TSHZ1: variants seen among roughly 807,000 people sequenced by gnomAD.
TSHZ1 encodes teashirt zinc finger homeobox 1, also known as teashirt homolog 1.
In TSHZ1, 12 loss-of-function variants were observed where a neutral mutation model predicts 67.1. The ratio of observed to expected loss-of-function variants is 0.18; its 90% CI spans 0.11 to 0.29. TSHZ1 has a LOEUF of 0.29. TSHZ1 is among the 10% of genes least tolerant of loss of function. The pLI is 1.00. For synonymous variants in TSHZ1, 632 were observed against 622.4 expected (o/e 1.02, Z -0.23); for missense variants, 1,305 against 1,413.9 (o/e 0.92, Z 1.23).
rs183075514 is a variant in TSHZ1 at position 75,232,564 on chromosome 18, G to A, written c.40+20648G>A. 2.1e-3 allele frequency among the ~76,000 whole-genome samples: 323 copies of A among 152,246 alleles called. 1 individual carries two copies. The highest frequency in any genetic ancestry group is 4.4e-3 in the Admixed American group (67 of 15,300). On this transcript the variant is annotated intron_variant, in intron 1 of 1. Transcript: ENST00000580243. ...AGGTATTTCTGAGGGTCTGAAACAC[G>A]TCCTTTTGACAGATAGTTCTGCACA...
chr18:75,246,230 T>C (rs1445015402), intron 1 of TSHZ1, among the ~76,000 whole-genome samples: 6 of 152,234 alleles, frequency 3.9e-5, no homozygotes, highest in South Asian at 4.1e-4. Context: ...GCCAGATGCA[T>C]GCACTGTTCA....
chr18:75,263,221 A>G (rs1260307707), intron 1 of TSHZ1, among the ~76,000 whole-genome samples: 2 of 152,178 alleles, frequency 1.3e-5, no homozygotes, highest in Non-Finnish European at 2.9e-5. Flanking sequence ...TAATCTAGCA[A>G]GCTAAGATTA....
chr18:75,240,258 A>T (rs1392675871), intron 1 of TSHZ1, among the ~76,000 whole-genome samples: 1 of 152,148 alleles, frequency 6.6e-6, no homozygotes, highest in East Asian at 1.9e-4. Context: ...TGGTTTTAGG[A>T]TCTCAATTTC....
At chr18:75,215,642 A>G (rs995087979) in intron 1 of TSHZ1, among the ~76,000 whole-genome samples, 1 of 152,248 alleles carries the variant, frequency 6.6e-6, no homozygotes, top group Non-Finnish European at 1.5e-5. Context: ...TCCAACTGCA[A>G]TATCATTGCA....
chr18:75,267,292 T>C (rs982845306), intron 1 of TSHZ1, among the ~76,000 whole-genome samples: 15 of 152,210 alleles, frequency 9.9e-5, no homozygotes, highest in African/African-American at 3.6e-4. Context: ...ATGCTGCATC[T>C]TGGACACATA....
At chr18:75,244,757 G>C (rs1385164533) in intron 1 of TSHZ1, 1 of 152,366 alleles carries the variant, frequency 6.6e-6, no homozygotes, top group Admixed American at 6.5e-5. Flanking sequence ...GTGTTTCCTG[G>C]GGGATGAGGT....
chr18:75,229,491 A>G (rs2022969405), intron 1 of TSHZ1, among the ~76,000 whole-genome samples: 2 of 152,226 alleles, frequency 1.3e-5, no homozygotes, highest in South Asian at 4.1e-4. Context: ...CCTTGTAGGC[A>G]CTCTGCTCCA....
In TSHZ1 at chr18:75,281,016, CGGGCTGGGCACAGA is replaced by C. The variant is rs1415971265; in HGVS notation, c.41-4418_41-4405del. 2.0e-5 allele frequency among the ~76,000 whole-genome samples: 3 copies of C among 152,138 alleles called. No homozygotes were observed. The highest frequency in any genetic ancestry group is 1.3e-4 in the Admixed American group (2 of 15,288). On this transcript the variant is annotated intron_variant, in intron 1 of 1. Coordinates refer to ENST00000580243, the MANE Select transcript of TSHZ1 (RefSeq NM_001308210.2). The surrounding 1 kb of genome is among the most constrained non-coding windows in gnomAD (Gnocchi z 5.3). ...GCTGCCTGGGACCAGATAGATAGAG[CGGGCTGGGCACAGA>C]GGGCTGGGCACAGGCGGGGCAGCGG...
In TSHZ1 at chr18:75,233,351, A is replaced by G. The variant is rs539667454; in HGVS notation, c.40+21435A>G. Reference sequence around the variant, plus strand: ...ATTATGGCACACTTTACTTAGGAAAAACCTGAAAACTTCCCCTAACAACGT... The same window carrying G: ...ATTATGGCACACTTTACTTAGGAAAGACCTGAAAACTTCCCCTAACAACGT... On this transcript the variant is annotated intron_variant, in intron 1 of 1. Transcript: ENST00000580243. Among the ~76,000 whole-genome samples the G allele has an allele frequency of 4.7e-4, 71 of 152,306 alleles. 2 individuals are homozygous for G. In the South Asian group the frequency reaches 0.012, roughly 26 times the overall value.
intron 1 of TSHZ1, among the ~76,000 whole-genome samples, chr18:75,262,376 C>T (rs2023440933): frequency 6.6e-6 from 1 of 152,156 alleles, no homozygotes. Flanking sequence ...ATATGCTTTT[C>T]TATATTTTTT....
At chr18:75,267,644 C>T (rs2122590587) in intron 1 of TSHZ1, among the ~76,000 whole-genome samples, 1 of 152,298 alleles carries the variant, frequency 6.6e-6, no homozygotes, top group South Asian at 2.1e-4. Context: ...ATAGCCGTTT[C>T]TCACAGAAAT....
At chr18:75,218,334 A>G (rs1044409148) in intron 1 of TSHZ1, among the ~76,000 whole-genome samples, 2 of 152,138 alleles carry the variant, frequency 1.3e-5, no homozygotes, top group African/African-American at 4.8e-5. Context: ...ATAACACTTT[A>G]CCCTTGTCAC....
At chr18:75,212,370 G>A (rs988482270) in intron 1 of TSHZ1, among the ~76,000 whole-genome samples, 1 of 151,662 alleles carries the variant, frequency 6.6e-6, no homozygotes, top group Non-Finnish European at 1.5e-5. Context: ...CTGGAAAACA[G>A]CAGCCTTTAA....
At chr18:75,212,055 A>G in intron 1 of TSHZ1, 139 bp downstream of exon 1, 1 of 553,840 alleles carries the variant, frequency 1.8e-6, no homozygotes, top group Non-Finnish European at 2.5e-6. Context: ...CGCTGGCCAC[A>G]GTCGTCTGGA....
Position 75,285,574 on chromosome 18 carries a change from C to T in TSHZ1, c.167C>T (p.Ala56Val), listed in dbSNP as rs775977820. 10 of 1,599,732 alleles carry T rather than the reference C, an allele frequency of 6.3e-6. No individual in the cohort carries two copies. The highest frequency in any genetic ancestry group is 5.0e-5 in the Admixed American group (3 of 59,528). ...AATGAAGAGACGGAGATCAAAGAGG[C>T]GCAGAGCTACCAGAACTCCCCAGTC... ...MCNEETEIKE[A>V]QSYQNSPVSS... The change falls in exon 2 of 2, where the codon GCG becomes GTG. Residue 56 changes from alanine to valine, a missense_variant. Around this residue, in one of 3 missense-constraint regions of TSHZ1, gnomAD observed 358 missense variants for 375.6 expected, o/e 0.95. Transcript: ENST00000580243.
At position 75,286,847 on chromosome 18, in the gene TSHZ1, C is replaced by T. The variant is rs1778164188; in HGVS notation, c.1440C>T (p.Ala480=). 8 of 1,614,082 alleles carry T rather than the reference C, an allele frequency of 5.0e-6. No homozygotes were observed. The highest frequency in any genetic ancestry group is 5.9e-6 in the Non-Finnish European group (7 of 1,180,020). ...CCACCACCCACACGCGGCTGCCGGC[C>T]TCCAGCATCAAAAAGCAGCCCGACT... ...LPPTTHTRLP[A]SSIKKQPDSP... Residue 480 remains alanine, a synonymous_variant, in exon 2 of 2, where the codon GCC becomes GCT. Transcript: ENST00000580243. This position sits in a 1 kb window ranked among gnomAD's most constrained non-coding sequence, Gnocchi z 5.1.
intron 1 of TSHZ1, among the ~76,000 whole-genome samples, chr18:75,239,626 A>T (rs966539275): frequency 6.6e-6 from 1 of 152,102 alleles, no homozygotes; most frequent in Non-Finnish European, 1.5e-5. Context: ...TCAGCCTCCC[A>T]TGTAGCTGGG....
At chr18:75,265,567 A>C (rs2122587662) in intron 1 of TSHZ1, among the ~76,000 whole-genome samples, 1 of 152,366 alleles carries the variant, frequency 6.6e-6, no homozygotes, top group Middle Eastern at 3.4e-3. Flanking sequence ...TGCTGCATAA[A>C]GTGTCACTGT....
chr18:75,262,768 T>G (rs1342812261), intron 1 of TSHZ1, among the ~76,000 whole-genome samples: 2 of 152,184 alleles, frequency 1.3e-5, no homozygotes, highest in Non-Finnish European at 2.9e-5. Flanking sequence ...TCCTGTGCCT[T>G]TTGAAATCTG....
Sources: gnomAD v4.1 joint callset for allele counts (sites outside exome capture counted in the v4.1 genomes callset) on GRCh38, gnomAD v4.1.1 for gene constraint, gnomAD v4.1.1 regional missense constraint, Gnocchi (gnomAD v3.1) non-coding constraint, MANE v1.5 for transcripts, NCBI Gene and HGNC (gene_info 2026-07-23, HGNC 2026-07-21) for gene names.